WDR7: variants seen among roughly 807,000 people sequenced by gnomAD.
WDR7 encodes the protein WD repeat-containing protein 7.
WDR7 carries 46 observed loss-of-function variants against 169.4 expected under a neutral mutation model. That is an observed-to-expected ratio of 0.27 (90% CI 0.21 to 0.35). WDR7 has a LOEUF of 0.35. WDR7 is among the 10% of genes least tolerant of loss of function. WDR7 has a pLI of 1.00. For missense variants in WDR7, 1,534 were observed against 1,859.3 expected, an observed-to-expected ratio of 0.83 and a Z score of 3.22; for synonymous variants, 612 against 666.8, an observed-to-expected ratio of 0.92 and a Z score of 1.27.
rs140739549 is a variant in WDR7 at position 57,027,495 on chromosome 18, C to T, written c.*288C>T. The T allele has an allele frequency of 0.025, 11,462 of 462,058 alleles. 190 individuals carry two copies. The highest frequency in any genetic ancestry group is 0.033 in the Non-Finnish European group (8,457 of 255,992). The allele number at this position is 462,058 out of a possible 1,614,324, so 28.6% of individuals were successfully genotyped here. A position where few individuals can be genotyped will look rare whatever the true frequency, so the allele number is the denominator to read the frequency against. On this transcript the variant is annotated 3_prime_UTR_variant, in exon 28 of 28. Coordinates refer to ENST00000254442, the MANE Select transcript of WDR7 (RefSeq NM_015285.3). Reference sequence around the variant, plus strand: ...GGGGAAAGCCAGTGGTTCCTGGGAACGCTCTTGTTGCTTGGTGCAACAGAA... The same window carrying T: ...GGGGAAAGCCAGTGGTTCCTGGGAATGCTCTTGTTGCTTGGTGCAACAGAA...
At chr18:56,784,696 AGAAAAT>A (rs1365853185) in intron 19 of WDR7, among the ~76,000 whole-genome samples, 23 of 152,336 alleles carry the variant, frequency 1.5e-4, no homozygotes, top group African/African-American at 4.6e-4. Context: ...AAAAATTGTA[AGAAAAT>A]GACTCTTTGA....
intron 14 of WDR7, among the ~76,000 whole-genome samples, chr18:56,750,200 T>C (rs2043769330): frequency 6.6e-6 from 1 of 152,202 alleles, no homozygotes; most frequent in Admixed American, 6.5e-5. Flanking sequence ...CCAATATTTT[T>C]TTCCTGTGGC....
At chr18:56,730,643 G>A (rs1376248825) in intron 13 of WDR7, among the ~76,000 whole-genome samples, 2 of 152,100 alleles carry the variant, frequency 1.3e-5, no homozygotes, top group East Asian at 3.9e-4. Flanking sequence ...GCGGGCACCT[G>A]TGGTCCCAGC....
intron 19 of WDR7, among the ~76,000 whole-genome samples, chr18:56,808,746 A>C (rs2044818450): frequency 6.6e-6 from 1 of 152,178 alleles, no homozygotes; most frequent in Non-Finnish European, 1.5e-5. Context: ...AGCTTATGAA[A>C]GATAATTTTT....
At chr18:56,921,155 A>G (rs570481152) in intron 21 of WDR7, among the ~76,000 whole-genome samples, 2 of 152,348 alleles carry the variant, frequency 1.3e-5, no homozygotes, top group Admixed American at 1.3e-4. Flanking sequence ...AAGGCTAGAA[A>G]TCAAAAGGTT....
At chr18:56,942,465 A>G (rs2047047216) in intron 25 of WDR7, among the ~76,000 whole-genome samples, 1 of 152,212 alleles carries the variant, frequency 6.6e-6, no homozygotes, top group African/African-American at 2.4e-5. Context: ...CTACAAATAA[A>G]GGGCATAAAT....
intron 20 of WDR7, among the ~76,000 whole-genome samples, chr18:56,849,311 C>T (rs1385552332): frequency 6.6e-6 from 1 of 152,174 alleles, no homozygotes; most frequent in Non-Finnish European, 1.5e-5. Context: ...TAAACAGAAG[C>T]TTTCCTTTAC....
chr18:56,830,827 C>T (rs1050778107), intron 20 of WDR7, among the ~76,000 whole-genome samples: 1 of 152,200 alleles, frequency 6.6e-6, no homozygotes, highest in Non-Finnish European at 1.5e-5. Context: ...CTGCCTCAGC[C>T]TCCTGAGTAG....
In WDR7 at chr18:56,682,843, C is replaced by G. The variant is rs575486845; in HGVS notation, c.510C>G (p.His170Gln). ...GCTCCATGAGTATTATTCGATCCCA[C>G]CGAACACAAGGTCAGTGTATTATGC... Reference protein sequence around the residue: ...WISSMSIIRSHRTQEDTVVAL... With the variant: ...WISSMSIIRSQRTQEDTVVAL... The change falls in exon 5 of 28, where the codon CAC becomes CAG. Residue 170 changes from histidine to glutamine, a missense_variant. By Grantham distance (24) the His-to-Gln change is conservative. Transcript: ENST00000254442. The G allele has an allele frequency of 1.9e-6, 3 of 1,613,392 alleles. No homozygotes were observed. The highest frequency in any genetic ancestry group is 1.7e-5 in the Admixed American group (1 of 59,960).
intron 21 of WDR7, 22 bp from the exon 22 acceptor site, chr18:56,923,900 G>C: frequency 6.6e-7 from 1 of 1,511,568 alleles, no homozygotes. Context: ...CTTTTGCTCT[G>C]CATTTTATTC....
chr18:56,981,823 T>C (rs979068635), intron 26 of WDR7, among the ~76,000 whole-genome samples: 22 of 152,136 alleles, frequency 1.4e-4, no homozygotes, highest in Admixed American at 1.4e-3. Context: ...CCTGCTTAGC[T>C]TGAAAAGTAA....
intron 13 of WDR7, among the ~76,000 whole-genome samples, chr18:56,729,860 A>G (rs1459019879): frequency 2.6e-5 from 4 of 152,230 alleles, no homozygotes; most frequent in Admixed American, 2.0e-4. Flanking sequence ...GTTTTCTTAC[A>G]TACTTGAGAA....
At chr18:56,893,404 C>T (rs1011849336) in intron 21 of WDR7, among the ~76,000 whole-genome samples, 5 of 152,018 alleles carry the variant, frequency 3.3e-5, no homozygotes, top group African/African-American at 7.2e-5. Context: ...GTGTTAATCC[C>T]TCTAAGAACT....
At chr18:56,706,089 CAG>C in intron 12 of WDR7, among the ~76,000 whole-genome samples, 1 of 152,192 alleles carries the variant, frequency 6.6e-6, no homozygotes, top group Non-Finnish European at 1.5e-5. Context: ...TACTTTATTT[CAG>C]CCTACTTAGG....
chr18:56,820,622 A>G (rs115129108), intron 20 of WDR7, among the ~76,000 whole-genome samples: 345 of 152,178 alleles, frequency 2.3e-3, no homozygotes, highest in African/African-American at 8.0e-3. Flanking sequence ...ATGTGTCTGT[A>G]TCCCTCCTCC....
intron 13 of WDR7, among the ~76,000 whole-genome samples, chr18:56,728,693 C>A (rs1482117755): frequency 2.0e-5 from 3 of 152,168 alleles, no homozygotes; most frequent in African/African-American, 7.2e-5. Context: ...CCTTCTGTGC[C>A]AGGTTGCTTT....
intron 20 of WDR7, among the ~76,000 whole-genome samples, chr18:56,879,023 C>A (rs1290679376): frequency 6.6e-6 from 1 of 152,168 alleles, no homozygotes; most frequent in Non-Finnish European, 1.5e-5. Context: ...AATACATTTT[C>A]TTTATTCTTC....
Position 57,020,839 on chromosome 18 carries a change from C to G in WDR7, c.4259C>G (p.Ser1420Cys), listed in dbSNP as rs1192954300. 1 of 1,614,152 alleles carries G rather than the reference C, an allele frequency of 6.2e-7. No individual in the cohort carries two copies. The highest frequency in any genetic ancestry group is 1.7e-5 in the Admixed American group (1 of 60,018). Reference protein sequence around the residue: ...ATYSNTDSHISFWQMNTSLLG... With the variant: ...ATYSNTDSHICFWQMNTSLLG... ...TACTCAAACACTGACAGCCACATTT[C>G]TTTTTGGCAGGTAAGAGTAGATGCT... The change falls in exon 27 of 28, where the codon TCT becomes TGT. Residue 1420 changes from serine to cysteine, a missense_variant. Coordinates refer to ENST00000254442, the MANE Select transcript of WDR7 (RefSeq NM_015285.3).
chr18:56,797,100 C>T (rs371977311), intron 19 of WDR7, among the ~76,000 whole-genome samples: 4 of 152,134 alleles, frequency 2.6e-5, no homozygotes, highest in East Asian at 1.9e-4. Context: ...AGCTCTGCTT[C>T]GGATCACAGA....
Sources: allele counts gnomAD v4.1 joint callset (sites outside exome capture counted in the v4.1 genomes callset), GRCh38; gene constraint gnomAD v4.1.1; transcripts MANE v1.5; gene names NCBI Gene and HGNC (gene_info 2026-07-23, HGNC 2026-07-21).